Variants in C1orf87 observed in about 807,000 individuals in gnomAD.
C1orf87 encodes chromosome 1 open reading frame 87, also known as uncharacterized protein C1orf87.
In C1orf87, 58 loss-of-function variants were observed where a neutral mutation model predicts 60.5. That is an observed-to-expected ratio of 0.96 (90% CI 0.78 to 1.19). The LOEUF (loss-of-function observed/expected upper bound fraction) is 1.19. Among genes scored for constraint, C1orf87 ranks in the 50% most tolerant of loss-of-function variants. The pLI, the probability that C1orf87 is intolerant of heterozygous loss-of-function variation, is 0.00. For synonymous variants in C1orf87, 236 were observed against 227.4 expected, an observed-to-expected ratio of 1.04 and a Z score of -0.34; for missense variants, 673 against 638.6, an observed-to-expected ratio of 1.05 and a Z score of -0.58.
At chr1:60,064,621 CAT>C (rs1197608497) in intron 2 of C1orf87, among the ~76,000 whole-genome samples, 11 of 35,574 alleles carry the variant, frequency 3.1e-4, no homozygotes, top group African/African-American at 8.3e-4. Flanking sequence ...TAAAATATAT[CAT>C]ATATATAAAT....
chr1:60,062,630 A>G (rs1645504886), intron 2 of C1orf87, among the ~76,000 whole-genome samples: 1 of 151,878 alleles, frequency 6.6e-6, no homozygotes, highest in African/African-American at 2.4e-5. Context: ...TATTTCTTCT[A>G]TTTCCTGTCT....
At chr1:60,001,935 C>A (rs564561628) in intron 9 of C1orf87, among the ~76,000 whole-genome samples, 18 of 152,020 alleles carry the variant, frequency 1.2e-4, no homozygotes, top group Non-Finnish European at 2.5e-4. Context: ...AAAACACAAA[C>A]AAATATTAAG....
intron 2 of C1orf87, among the ~76,000 whole-genome samples, chr1:60,067,412 C>T (rs746764265): frequency 4.6e-5 from 7 of 152,158 alleles, no homozygotes; most frequent in Non-Finnish European, 8.8e-5. Context: ...GCCATTCTAA[C>T]TGGTGTGATA....
At chr1:59,998,871 T>C (rs1574292443) in intron 10 of C1orf87, among the ~76,000 whole-genome samples, 2 of 152,290 alleles carry the variant, frequency 1.3e-5, no homozygotes, top group South Asian at 4.1e-4. Flanking sequence ...TTAGAGTCTC[T>C]GGTTTTAGTT....
chr1:60,022,767 A>G (rs140866305), intron 8 of C1orf87, among the ~76,000 whole-genome samples: 216 of 152,096 alleles, frequency 1.4e-3, no homozygotes, highest in Middle Eastern at 0.01. Flanking sequence ...CTTTGAGGCT[A>G]TTAATAAGCA....
At chr1:60,068,935 G>T (rs1201763152) in intron 2 of C1orf87, among the ~76,000 whole-genome samples, 1 of 152,064 alleles carries the variant, frequency 6.6e-6, no homozygotes, top group East Asian at 1.9e-4. Context: ...TTTAGATTTG[G>T]ATTTATTTAA....
At chr1:60,015,305 G>A (rs144670938) in intron 8 of C1orf87, among the ~76,000 whole-genome samples, 388 of 152,220 alleles carry the variant, frequency 2.5e-3, no homozygotes, top group African/African-American at 8.5e-3. Context: ...TGTCTCTAAG[G>A]AAGTGGACCC....
At chr1:60,049,199 A>G (rs756453549) in intron 3 of C1orf87, among the ~76,000 whole-genome samples, 1 of 152,008 alleles carries the variant, frequency 6.6e-6, no homozygotes, top group Non-Finnish European at 1.5e-5. Flanking sequence ...ATTTTTTTCT[A>G]TCATTGTAGC....
chr1:60,040,099 G>C lies in C1orf87; in HGVS notation c.565C>G (p.Pro189Ala), dbSNP rs11585228. Residue 189 changes from proline to alanine, a missense_variant, in exon 5 of 12, where the codon CCT becomes GCT. Physicochemically the swap from Pro to Ala is conservative, Grantham distance 27 (BLOSUM62 -1). Coordinates refer to ENST00000371201, the MANE Select transcript of C1orf87 (RefSeq NM_152377.3). ...ALVRRELKSR[P>A]LSSNLLEKLQ... is the part of the protein sequence containing the mutation. ...TTTTCTAATAAGTTGGAACTCAAAG[G>C]ACGTGACTTGAGTTCTCTTCTGACC... is the stretch of plus-strand genomic sequence containing the variant. The C allele has an allele frequency of 2.0e-3, 3,232 of 1,614,178 alleles. 11 individuals are homozygous for C. Among genetic ancestry groups the C allele is most frequent in the Middle Eastern group, 7.1e-3 (43 of 6,062 alleles).
chr1:60,006,036 T>C (rs887707997), intron 9 of C1orf87, among the ~76,000 whole-genome samples: 1 of 152,032 alleles, frequency 6.6e-6, no homozygotes, highest in African/African-American at 2.4e-5. Context: ...CAATCTGAGC[T>C]TCTATATGAG....
intron 3 of C1orf87, among the ~76,000 whole-genome samples, chr1:60,041,559 C>T (rs1645325060): frequency 6.6e-6 from 1 of 152,128 alleles, no homozygotes; most frequent in African/African-American, 2.4e-5. Flanking sequence ...GAATATTATA[C>T]TCTAGGAGTA....
chr1:60,044,294 C>A (rs1263140737), intron 3 of C1orf87, among the ~76,000 whole-genome samples: 2 of 152,032 alleles, frequency 1.3e-5, no homozygotes, highest in Non-Finnish European at 2.9e-5. Context: ...CCTCCCAAAG[C>A]GCTGGGATTA....
In C1orf87 at chr1:60,038,092, G is replaced by T; in HGVS notation, c.763C>A (p.Leu255Ile). 6.5e-7 allele frequency: 1 copy of T among 1,550,040 alleles called. No homozygotes were observed. Among genetic ancestry groups the T allele is most frequent in the Non-Finnish European group, 8.8e-7 (1 of 1,133,906 alleles). ...GCTGCACTGTTTAAAAACCAGAGTA[G>T]CTTTTCATAATTCACCTGAAAATTA... Reference protein sequence around the residue: ...GSPEMVNYEKLLWFLNSAASD... With the variant: ...GSPEMVNYEKILWFLNSAASD... Residue 255 changes from leucine to isoleucine, a missense_variant, in exon 6 of 12, where the codon CTA becomes ATA. Transcript: ENST00000371201.
At chr1:60,048,861 G>A (rs1645392582) in intron 3 of C1orf87, among the ~76,000 whole-genome samples, 1 of 151,626 alleles carries the variant, frequency 6.6e-6, no homozygotes, top group African/African-American at 2.4e-5. Flanking sequence ...AATGTATCTT[G>A]TTATATTACT....
chr1:59,996,915 C>T (rs973970852), intron 11 of C1orf87, among the ~76,000 whole-genome samples: 3 of 152,014 alleles, frequency 2.0e-5, no homozygotes, highest in African/African-American at 7.2e-5. Context: ...AGTAATAAGC[C>T]CCCAAATAAA....
chr1:60,000,496 C>T (rs889716513), intron 10 of C1orf87, among the ~76,000 whole-genome samples: 6 of 152,160 alleles, frequency 3.9e-5, no homozygotes, highest in Admixed American at 3.3e-4. Context: ...GAATTATGTT[C>T]TAATCCGGGC....
chr1:60,046,815 C>G (rs1645375517), intron 3 of C1orf87, among the ~76,000 whole-genome samples: 1 of 152,234 alleles, frequency 6.6e-6, no homozygotes, highest in African/African-American at 2.4e-5. Context: ...GTTGAAGAAG[C>G]TGTGTTGTCT....
chr1:60,007,187 T>C (rs1313251726), intron 9 of C1orf87, among the ~76,000 whole-genome samples: 2 of 152,050 alleles, frequency 1.3e-5, no homozygotes, highest in East Asian at 1.9e-4. Context: ...GTTAGGACTA[T>C]GGGTGTGAGC....
At position 59,990,844 on chromosome 1, in the gene C1orf87, A is replaced by G. The variant is rs758652800; in HGVS notation, c.1481-11T>C. ...CCTTCTCCAGAACTCCTGTGATTGG[A>G]TTGGGTAGGAGGAAGGTTTTTTAAA... On this transcript the variant is annotated splice_polypyrimidine_tract_variant and intron_variant, in intron 11 of 11. Coordinates refer to ENST00000371201, the MANE Select transcript of C1orf87 (RefSeq NM_152377.3). The G allele has an allele frequency of 1.2e-6, 2 of 1,613,398 alleles. No individual in the cohort carries two copies. The highest frequency in any genetic ancestry group is 1.7e-5 in the Admixed American group (1 of 59,984).
Sources: allele counts gnomAD v4.1 joint callset (sites outside exome capture counted in the v4.1 genomes callset), GRCh38; gene constraint gnomAD v4.1.1; transcripts MANE v1.5; gene names NCBI Gene and HGNC (gene_info 2026-07-23, HGNC 2026-07-21).